EBPL: variants seen among roughly 807,000 people sequenced by gnomAD.
EBPL encodes emopamil-binding protein-like.
A neutral mutation model predicts 19.0 loss-of-function variants in EBPL; 20 were observed. The observed-to-expected ratio is 1.05, with a 90% CI of 0.74 to 1.53. The LOEUF (loss-of-function observed/expected upper bound fraction) is 1.53. Ranked by LOEUF, EBPL falls within the 40% of genes most tolerant of loss-of-function variation. The pLI, the probability that EBPL is intolerant of heterozygous loss-of-function variation, is 0.00. For synonymous variants in EBPL, 107 were observed against 117.0 expected, an observed-to-expected ratio of 0.91 and a Z score of 0.55; for missense variants, 219 against 261.1, an observed-to-expected ratio of 0.84 and a Z score of 1.11.
In EBPL at chr13:49,691,436, C is replaced by T. The variant is rs1393162900; in HGVS notation, c.-12G>A. 3.7e-6 allele frequency: 5 copies of T among 1,333,748 alleles called. No homozygotes were observed. The highest frequency in any genetic ancestry group is 4.8e-6 in the Non-Finnish European group (5 of 1,044,118). 82.6% of individuals were successfully genotyped at this position (1,333,748 alleles called of 1,614,324 possible). A position where few individuals can be genotyped will look rare whatever the true frequency, so the allele number is the denominator to read the frequency against. On this transcript the variant is annotated 5_prime_UTR_variant, in exon 1 of 4. Coordinates refer to ENST00000242827, the MANE Select transcript of EBPL (RefSeq NM_032565.5). ...CACTCAGCGCCCATGCTTCAGGCTTCCGACGCCAACGGCCCAGGACCATGC... is the reference window on the plus strand; with the variant it reads ...CACTCAGCGCCCATGCTTCAGGCTTTCGACGCCAACGGCCCAGGACCATGC...
At chr13:49,664,901 G>C (rs1965202930) in intron 2 of EBPL, among the ~76,000 whole-genome samples, 1 of 152,120 alleles carries the variant, frequency 6.6e-6, no homozygotes, top group Non-Finnish European at 1.5e-5. Flanking sequence ...AGGCCACCGA[G>C]AGTCATCAGC....
intron 2 of EBPL, among the ~76,000 whole-genome samples, chr13:49,669,426 TTAATA>T (rs1448293919): frequency 6.6e-6 from 1 of 152,182 alleles, no homozygotes; most frequent in Non-Finnish European, 1.5e-5. Flanking sequence ...CAAATATTGT[TTAATA>T]TAATAGCTTT....
chr13:49,678,197 T>A (rs1282836309), intron 1 of EBPL, among the ~76,000 whole-genome samples: 1 of 152,204 alleles, frequency 6.6e-6, no homozygotes, highest in Non-Finnish European at 1.5e-5. Flanking sequence ...TGCTGATTAG[T>A]ACATTTACAA....
intron 1 of EBPL, among the ~76,000 whole-genome samples, chr13:49,689,460 C>T (rs1004578153): frequency 1.3e-5 from 2 of 152,138 alleles, no homozygotes; most frequent in African/African-American, 4.8e-5. Flanking sequence ...AGCAATTCTC[C>T]TGCCTCAGCC....
chr13:49,679,468 C>A (rs1044455503), intron 1 of EBPL, among the ~76,000 whole-genome samples: 1 of 152,138 alleles, frequency 6.6e-6, no homozygotes, highest in African/African-American at 2.4e-5. Flanking sequence ...AGGTGTCAGG[C>A]GTGATATGGT....
chr13:49,661,248 G>T, intron 3 of EBPL, 40 bp from the exon 4 acceptor site: 1 of 1,501,652 alleles, frequency 6.7e-7, no homozygotes, highest in South Asian at 1.2e-5. Flanking sequence ...CCACCAGCTT[G>T]GCACAGTTTG....
intron 1 of EBPL, among the ~76,000 whole-genome samples, chr13:49,683,738 A>G (rs1953968058): frequency 6.6e-6 from 1 of 152,136 alleles, no homozygotes. Context: ...GGCAACAGGA[A>G]CTCGCACACA....
intron 1 of EBPL, 117 bp downstream of exon 1, chr13:49,691,137 C>A (rs1954058781): frequency 3.1e-6 from 3 of 967,294 alleles, no homozygotes; most frequent in Non-Finnish European, 4.0e-6. Context: ...CTTCCTGCAG[C>A]AGGGGGAGGG....
intron 1 of EBPL, among the ~76,000 whole-genome samples, chr13:49,677,345 CA>C (rs1594412116): frequency 1.3e-5 from 2 of 152,176 alleles, no homozygotes; most frequent in Admixed American, 1.3e-4. Context: ...TCATTCAGAT[CA>C]AAGTCAGAAA....
intron 1 of EBPL, among the ~76,000 whole-genome samples, chr13:49,678,758 A>C (rs147887462): frequency 6.6e-6 from 1 of 152,136 alleles, no homozygotes; most frequent in Non-Finnish European, 1.5e-5. Flanking sequence ...GGGCTCCTCA[A>C]GCATGGCCAG....
chr13:49,678,885 G>A (rs908889965), intron 1 of EBPL, among the ~76,000 whole-genome samples: 5 of 151,450 alleles, frequency 3.3e-5, no homozygotes, highest in African/African-American at 9.7e-5. Flanking sequence ...GGTGGCACGC[G>A]CCTGTATTCC....
At chr13:49,687,915 C>T (rs1337100783) in intron 1 of EBPL, among the ~76,000 whole-genome samples, 1 of 152,156 alleles carries the variant, frequency 6.6e-6, no homozygotes, top group Non-Finnish European at 1.5e-5. Flanking sequence ...ACGTGACTTC[C>T]CTGCTTGAAA....
intron 1 of EBPL, among the ~76,000 whole-genome samples, chr13:49,680,866 T>C (rs61959931): frequency 0.26 from 39,189 of 151,800 alleles, 5,530 homozygotes; most frequent in Non-Finnish European, 0.32. Flanking sequence ...ATATATGTGA[T>C]ACATGTTAAA....
At chr13:49,670,359 T>C (rs1165438581) in intron 1 of EBPL, among the ~76,000 whole-genome samples, 1 of 152,240 alleles carries the variant, frequency 6.6e-6, no homozygotes, top group African/African-American at 2.4e-5. Context: ...AGGCTACATT[T>C]AACATTCAGG....
intron 1 of EBPL, among the ~76,000 whole-genome samples, chr13:49,680,779 G>A (rs1953933993): frequency 6.6e-6 from 1 of 152,046 alleles, no homozygotes; most frequent in African/African-American, 2.4e-5. Flanking sequence ...CCAAGATTGT[G>A]CCATTGCACT....
Position 49,664,305 on chromosome 13 carries a change from C to A in EBPL, c.242-1110G>T, listed in dbSNP as rs143562214. On this transcript the variant is annotated intron_variant, in intron 2 of 3. Coordinates refer to ENST00000242827, the MANE Select transcript of EBPL (RefSeq NM_032565.5). ...GAAGAGAAACTAGGTGCTGAAGGGA[C>A]AGTGGGCAGGGAGGGGAGGAGAGAG... 2.6e-4 allele frequency among the ~76,000 whole-genome samples: 40 copies of A among 152,144 alleles called. No homozygotes were observed. In the East Asian group the frequency reaches 6.8e-3, roughly 26 times the overall value.
chr13:49,663,045 A>C lies in EBPL; in HGVS notation c.380+12T>G, dbSNP rs539014275. 21 of 1,613,288 alleles carry C rather than the reference A, an allele frequency of 1.3e-5. No individual in the cohort carries two copies. In the East Asian group the frequency reaches 4.7e-4, roughly 36 times the overall value. ...TCCCCTCCTTCCAGCAGGACAGAAG[A>C]AGGGCACCTACCGGTAATATTTTTC... is the stretch of plus-strand genomic sequence containing the variant. On this transcript the variant is annotated intron_variant, in intron 3 of 3. Transcript: ENST00000242827.
chr13:49,663,953 C>A (rs1484959915), intron 2 of EBPL, among the ~76,000 whole-genome samples: 2 of 133,908 alleles, frequency 1.5e-5, no homozygotes, highest in African/African-American at 2.8e-5. Context: ...AAACAAACAA[C>A]CAAAAACTTG....
intron 1 of EBPL, among the ~76,000 whole-genome samples, chr13:49,690,843 G>A (rs1201123995): frequency 1.3e-5 from 2 of 152,208 alleles, no homozygotes; most frequent in Non-Finnish European, 2.9e-5. Context: ...TTCGGGTTTT[G>A]CGACAATAGC....
Sources: allele counts gnomAD v4.1 joint callset (sites outside exome capture counted in the v4.1 genomes callset), GRCh38; gene constraint gnomAD v4.1.1; transcripts MANE v1.5; gene names NCBI Gene and HGNC (gene_info 2026-07-23, HGNC 2026-07-21).